ECRG4: variants seen among roughly 807,000 people sequenced by gnomAD.
The protein encoded by ECRG4 is augurin.
Under a neutral mutation model 15.8 loss-of-function variants are expected in ECRG4, and 18 were observed. The ratio of observed to expected loss-of-function variants is 1.14; its 90% CI spans 0.79 to 1.69. The LOEUF (loss-of-function observed/expected upper bound fraction) is 1.69. Ranked by LOEUF, ECRG4 falls within the 40% of genes most tolerant of loss-of-function variation. The probability of loss-of-function intolerance (pLI) is 0.00; values close to 1 mark genes in which losing one functional copy is unlikely to be tolerated. For missense variants in ECRG4, 200 were observed against 190.9 expected, an observed-to-expected ratio of 1.05 and a Z score of -0.28; for synonymous variants, 82 against 73.9, an observed-to-expected ratio of 1.11 and a Z score of -0.56.
rs1291321322 is a variant in ECRG4, at chr2:106,073,948, AGCCTGAAGC to A, written c.194_202del (p.Leu65_Arg67del). On this transcript the variant is annotated inframe_deletion, in exon 3 of 4. Transcript: ENST00000238044. ...GAATAAAGCCAAAGAATTCCTTGGC[AGCCTGAAGC>A]GCCAGAAGCGGCAGCTGTGGGACCG... 6.2e-7 allele frequency: 1 copy of A among 1,614,254 alleles called. No homozygotes were observed. The highest frequency in any genetic ancestry group is 8.5e-7 in the Non-Finnish European group (1 of 1,180,046).
At chr2:106,074,941 CAT>C (rs1327001884) in intron 3 of ECRG4, among the ~76,000 whole-genome samples, 2 of 152,180 alleles carry the variant, frequency 1.3e-5, no homozygotes, top group Non-Finnish European at 2.9e-5. Flanking sequence ...AAAGTGAAAT[CAT>C]GTGGCTATAC....
intron 3 of ECRG4, among the ~76,000 whole-genome samples, chr2:106,075,532 G>A (rs2104798964): frequency 6.6e-6 from 1 of 151,926 alleles, no homozygotes; most frequent in East Asian, 1.9e-4. Flanking sequence ...GACCAGCCTG[G>A]CCAACAGGGC....
At chr2:106,071,333 AAAAAAAAAAAAAAAAAAAAG>A (rs1676364798) in intron 1 of ECRG4, among the ~76,000 whole-genome samples, 2 of 38,998 alleles carry the variant, frequency 5.1e-5, no homozygotes, top group South Asian at 6.5e-4. Flanking sequence ...AAAAAAAAAA[AAAAAAAAAAAAAAAAAAAAG>A]AAAGAAAGAA....
At chr2:106,068,272 G>T (rs1331829976) in intron 1 of ECRG4, among the ~76,000 whole-genome samples, 1 of 152,158 alleles carries the variant, frequency 6.6e-6, no homozygotes, top group East Asian at 1.9e-4. Flanking sequence ...TAGGCAACTG[G>T]ATTGGATAAA....
chr2:106,065,423 A>G (rs1020659908), upstream of ECRG4, among the ~76,000 whole-genome samples: 1 of 152,170 alleles, frequency 6.6e-6, no homozygotes, highest in African/African-American at 2.4e-5. Flanking sequence ...TCCGGAACCC[A>G]GCTTGTCCTA....
At chr2:106,069,135 CTTTCTTTCTTTCT>C (rs1290285136) in intron 1 of ECRG4, among the ~76,000 whole-genome samples, 1 of 133,146 alleles carries the variant, frequency 7.5e-6, no homozygotes, top group African/African-American at 2.9e-5. Flanking sequence ...CTTTCTCTTT[CTTTCTTTCTTTCT>C]TTTCTTTCTT....
At chr2:106,068,993 GCTGT>G (rs1202629999) in intron 1 of ECRG4, among the ~76,000 whole-genome samples, 2 of 152,190 alleles carry the variant, frequency 1.3e-5, no homozygotes, top group Non-Finnish European at 2.9e-5. Context: ...ATCTTGGGTG[GCTGT>G]CTATCTGGGC....
intron 3 of ECRG4, among the ~76,000 whole-genome samples, chr2:106,077,549 G>A (rs573980017): frequency 6.6e-6 from 1 of 152,340 alleles, no homozygotes; most frequent in South Asian, 2.1e-4. Context: ...GCAAAGGTAT[G>A]GGCCTGCACT....
At position 106,069,747 on chromosome 2, in the gene ECRG4, G is replaced by A. The variant is rs370034336; in HGVS notation, c.80-2097G>A. On this transcript the variant is annotated intron_variant, in intron 1 of 3. Coordinates refer to ENST00000238044, the MANE Select transcript of ECRG4 (RefSeq NM_032411.3). ...ACACTCTCCTTTGACCACAACTCCG[G>A]TTTTTCTATGACCTTCTTCAAGTGA... Among the ~76,000 whole-genome samples, 6 of 152,298 alleles carry A rather than the reference G, an allele frequency of 3.9e-5. No individual in the cohort carries two copies. The East Asian group carries it at 7.7e-4, about 20-fold the overall frequency.
At position 106,077,949 on chromosome 2, in the gene ECRG4, CAAG is replaced by C. The variant is rs1365830047; in HGVS notation, c.*27_*29del. 4 of 1,608,540 alleles carry C rather than the reference CAAG, an allele frequency of 2.5e-6. No homozygotes were observed. Among genetic ancestry groups the C allele is most frequent in the Non-Finnish European group, 3.4e-6 (4 of 1,177,244 alleles). On this transcript the variant is annotated 3_prime_UTR_variant, in exon 4 of 4. Coordinates refer to ENST00000238044, the MANE Select transcript of ECRG4 (RefSeq NM_032411.3). ...TAACCATGACTTGCCACACGCTGTA[CAAG>C]AAGCAAATAGCGATTCTCTTCATGT...
At chr2:106,066,019 C>G (rs974756090) in intron 1 of ECRG4, among the ~76,000 whole-genome samples, 176 bp downstream of exon 1, 1 of 152,230 alleles carries the variant, frequency 6.6e-6, no homozygotes, top group South Asian at 2.1e-4. Context: ...TGCACTCGCA[C>G]AAGTGCGAAG....
At chr2:106,067,209 T>A (rs1165463229) in intron 1 of ECRG4, among the ~76,000 whole-genome samples, 2 of 151,828 alleles carry the variant, frequency 1.3e-5, no homozygotes, top group Non-Finnish European at 2.9e-5. Flanking sequence ...GGAGAATTGC[T>A]TGAATCTGGG....
At chr2:106,073,749 T>A (rs1676419963) in intron 2 of ECRG4, 137 bp from the exon 3 acceptor site, 1 of 974,890 alleles carries the variant, frequency 1.0e-6, no homozygotes. Flanking sequence ...CATTGTCACA[T>A]GCAAGTAAGA....
chr2:106,064,908 G>C (rs1676170919), upstream of ECRG4, among the ~76,000 whole-genome samples: 1 of 152,136 alleles, frequency 6.6e-6, no homozygotes, highest in Non-Finnish European at 1.5e-5. Flanking sequence ...GAACAGGCCA[G>C]TTACTGGGAT....
chr2:106,072,004 C>G, intron 2 of ECRG4, 113 bp downstream of exon 2: 3 of 854,800 alleles, frequency 3.5e-6, no homozygotes, highest in Non-Finnish European at 5.7e-6. Flanking sequence ...AGTGTTTACT[C>G]CTTAAAAGGT....
upstream of ECRG4, chr2:106,065,563 G>T (rs941240844): frequency 2.5e-6 from 1 of 397,048 alleles, no homozygotes. Context: ...AGAGGACCTC[G>T]GTGGTACTCG....
At chr2:106,071,318 G>A (rs1306212478) in intron 1 of ECRG4, among the ~76,000 whole-genome samples, 2 of 53,436 alleles carry the variant, frequency 3.7e-5, no homozygotes, top group Admixed American at 1.9e-4. Flanking sequence ...GATGGGTAAG[G>A]CTGTAAAAAA....
chr2:106,071,357 GAAAGA>G (rs1202411660), intron 1 of ECRG4, among the ~76,000 whole-genome samples: 9 of 98,720 alleles, frequency 9.1e-5, no homozygotes, highest in African/African-American at 3.2e-4. Flanking sequence ...AAAAAAGAAA[GAAAGA>G]AAAGAAAAGA....
At chr2:106,071,376 T>A (rs6711266) in intron 1 of ECRG4, among the ~76,000 whole-genome samples, 1,536 of 134,110 alleles carry the variant, frequency 0.011, 1 homozygote, top group African/African-American at 0.021. Flanking sequence ...GAAAAGAAAA[T>A]AAAAAAAAAA....
Sources: allele counts gnomAD v4.1 joint callset (sites outside exome capture counted in the v4.1 genomes callset), GRCh38; gene constraint gnomAD v4.1.1; transcripts MANE v1.5; gene names NCBI Gene and HGNC (gene_info 2026-07-23, HGNC 2026-07-21).